Variants in GFI1 observed in about 807,000 individuals in gnomAD.
The protein encoded by GFI1 is zinc finger protein Gfi-1.
Under a neutral mutation model 39.2 loss-of-function variants are expected in GFI1, and 15 were observed. That is an observed-to-expected ratio of 0.38 (90% CI 0.26 to 0.59). The LOEUF is 0.59. Among genes scored for constraint, GFI1 ranks in the 20% least tolerant of loss-of-function variants. The pLI is 0.62. For missense variants in GFI1, 475 were observed against 574.0 expected, an observed-to-expected ratio of 0.83 and a Z score of 1.76; for synonymous variants, 239 against 254.3, an observed-to-expected ratio of 0.94 and a Z score of 0.57.
rs1439749069 is a variant in GFI1 at position 92,480,600 on chromosome 1, C to T, written c.786+1G>A. Reference sequence around the variant, plus strand: ...CGAGGTGGTGAGCTCGGGAGCCTCACCTTGCTGCACTTGATGCACTTGTAG... The same window carrying T: ...CGAGGTGGTGAGCTCGGGAGCCTCATCTTGCTGCACTTGATGCACTTGTAG... On this transcript the variant is annotated splice_donor_variant, in intron 4 of 6. Transcript: ENST00000294702. LOFTEE classifies it high-confidence loss of function. The surrounding 1 kb of genome is among the most constrained non-coding windows in gnomAD (Gnocchi z 5.6). 1 of 1,551,590 alleles carries T rather than the reference C, an allele frequency of 6.4e-7. No individual in the cohort carries two copies.
At position 92,475,138 on chromosome 1, in the gene GFI1, G is replaced by A. The variant is rs1202817190; in HGVS notation, c.*891C>T. The A allele has an allele frequency of 1.3e-5, 2 of 152,206 alleles. No homozygotes were observed. Among genetic ancestry groups the A allele is most frequent in the African/African-American group, 4.8e-5 (2 of 41,438 alleles). The allele number at this position is 152,206 out of a possible 1,614,324, so 9.4% of individuals were successfully genotyped here. On this transcript the variant is annotated 3_prime_UTR_variant, in exon 7 of 7. Transcript: ENST00000294702. ...GAGTAAGAACAGACCCAGCCACTTGGAGGTGCAACCGTTAGCTTTTGAGGA... is the reference window on the plus strand; with the variant it reads ...GAGTAAGAACAGACCCAGCCACTTGAAGGTGCAACCGTTAGCTTTTGAGGA...
intron 6 of GFI1, 80 bp from the exon 7 acceptor site, chr1:92,476,287 T>G: frequency 7.4e-7 from 1 of 1,352,518 alleles, no homozygotes; most frequent in Non-Finnish European, 1.0e-6. Context: ...CCACATGCTC[T>G]TGGCAGCAGC....
In GFI1 at chr1:92,478,881, T is replaced by A. The variant is rs1489609134; in HGVS notation, c.925-128A>T. 7.1e-6 allele frequency: 9 copies of A among 1,275,638 alleles called. No individual in the cohort carries two copies. The African/African-American group carries it at 1.3e-4, about 19-fold the overall frequency. 79.0% of individuals were successfully genotyped at this position (1,275,638 alleles called of 1,614,324 possible). A position where few individuals can be genotyped will look rare whatever the true frequency, so the allele number is the denominator to read the frequency against. ...AATCCCTTGAACACTTTTTCTTTCT[T>A]TTTTTGAGACAGTCTCCTCTGTCGC... is the stretch of plus-strand genomic sequence containing the variant. On this transcript the variant is annotated intron_variant, in intron 5 of 6. Coordinates refer to ENST00000294702, the MANE Select transcript of GFI1 (RefSeq NM_005263.5).
At position 92,481,880 on chromosome 1, in the gene GFI1, G is replaced by T. The variant is rs1439291309; in HGVS notation, c.299-792C>A. On this transcript the variant is annotated intron_variant, in intron 3 of 6. Transcript: ENST00000294702. The surrounding 1 kb of genome is among the most constrained non-coding windows in gnomAD (Gnocchi z 4.3). ...CGGCCTGCTACGCCCCCACCCACGT[G>T]AATTTTGCTAAAACTAGTGACCCCA... Among the ~76,000 whole-genome samples the T allele has an allele frequency of 6.7e-6, 1 of 150,204 alleles. No individual in the cohort carries two copies. The highest frequency in any genetic ancestry group is 1.5e-5 in the Non-Finnish European group (1 of 67,350).
rs1249865976 is a variant in GFI1 at position 92,480,685 on chromosome 1, G to A, written c.702C>T (p.Gly234=). The stretch of plus-strand genomic sequence containing the variant: ...GCTCCGACTCCACCTTGACGCCAGC[G>A]CCCTTGTCTGCGTGCAGCCCGTGGC... ...ERGHGLHADK[G]AGVKVESELL... The change falls in exon 4 of 7, where the codon GGC becomes GGT. Residue 234 remains glycine (G), a synonymous_variant. Transcript: ENST00000294702. This position sits in a 1 kb window ranked among gnomAD's most constrained non-coding sequence, Gnocchi z 5.6. 1 of 1,596,078 alleles carries A rather than the reference G, an allele frequency of 6.3e-7. No individual in the cohort carries two copies. Among genetic ancestry groups the A allele is most frequent in the Non-Finnish European group, 8.5e-7 (1 of 1,177,886 alleles).
In GFI1 at chr1:92,481,159, C is replaced by A. The variant is rs1490503220; in HGVS notation, c.299-71G>T. 1 of 1,348,670 alleles carries A rather than the reference C, an allele frequency of 7.4e-7. No individual in the cohort carries two copies. Among genetic ancestry groups the A allele is most frequent in the Non-Finnish European group, 1.0e-6 (1 of 960,216 alleles). The allele number at this position is 1,348,670 out of a possible 1,614,324, so 83.5% of individuals were successfully genotyped here. On this transcript the variant is annotated intron_variant, in intron 3 of 6. Transcript: ENST00000294702. This position sits in a 1 kb window ranked among gnomAD's most constrained non-coding sequence, Gnocchi z 4.3. The stretch of plus-strand genomic sequence containing the variant: ...AGCGGAGGCCGCCGGGCTGCGGCTG[C>A]GAGCGTGGCGTGTTCGCGGACTGCG...
At position 92,481,495 on chromosome 1, in the gene GFI1, C is replaced by CA. The variant is rs1658252915; in HGVS notation, c.299-408dup. Among the ~76,000 whole-genome samples, 1 of 152,222 alleles carries CA rather than the reference C, an allele frequency of 6.6e-6. No individual in the cohort carries two copies. Among genetic ancestry groups the CA allele is most frequent in the Non-Finnish European group, 1.5e-5 (1 of 68,030 alleles). ...CGGCCGTTCGGCCCCTCACAGCACTCAAGGGCGGAAGGGTCCAGCCACCAG... is the reference window on the plus strand; with the variant it reads ...CGGCCGTTCGGCCCCTCACAGCACTCAAAGGGCGGAAGGGTCCAGCCACCAG... On this transcript the variant is annotated intron_variant, in intron 3 of 6. Transcript: ENST00000294702. This position sits in a 1 kb window ranked among gnomAD's most constrained non-coding sequence, Gnocchi z 4.3.
intron 6 of GFI1, 56 bp downstream of exon 6, chr1:92,478,532 A>T: frequency 6.9e-7 from 1 of 1,439,606 alleles, no homozygotes; most frequent in Non-Finnish European, 9.8e-7. Flanking sequence ...ATCAGAGAAG[A>T]TGAGTAATGT....
intron 2 of GFI1, 141 bp from the exon 3 acceptor site, chr1:92,483,187 C>T (rs1396571464): frequency 2.3e-6 from 2 of 852,868 alleles, no homozygotes; most frequent in Non-Finnish European, 3.6e-6. Context: ...CCTCTCGGAT[C>T]CGAGGGCAGG....
chr1:92,480,341 C>G lies in GFI1; in HGVS notation c.924+7G>C. ...GGGCCGCGCGCGGCGGTGCGCCCCG[C>G]GCTTACCTGCGAGTGCACGGCTTTG... On this transcript the variant is annotated splice_region_variant and intron_variant, in intron 5 of 6. Transcript: ENST00000294702. The surrounding 1 kb of genome is among the most constrained non-coding windows in gnomAD (Gnocchi z 5.6). 6.5e-7 allele frequency: 1 copy of G among 1,548,106 alleles called. No homozygotes were observed.
In GFI1 at chr1:92,475,848, T is replaced by C. The variant is rs1478563264; in HGVS notation, c.*181A>G. The C allele has an allele frequency of 1.6e-6, 1 of 632,720 alleles. No homozygotes were observed. The highest frequency in any genetic ancestry group is 1.8e-5 in the African/African-American group (1 of 55,200). The allele number at this position is 632,720 out of a possible 1,614,324, so 39.2% of individuals were successfully genotyped here. ...GGCTGCACTTTGAAAAGGTACCTCA[T>C]TTCTTCTGGCAGCTCCAGGAGGTAA... On this transcript the variant is annotated 3_prime_UTR_variant, in exon 7 of 7. Coordinates refer to ENST00000294702, the MANE Select transcript of GFI1 (RefSeq NM_005263.5).
rs370466093 is a variant in GFI1 at position 92,481,532 on chromosome 1, T to C, written c.299-444A>G. Among the ~76,000 whole-genome samples, 122 of 152,280 alleles carry C rather than the reference T, an allele frequency of 8.0e-4. 1 individual carries two copies. The highest frequency in any genetic ancestry group is 4.1e-3 in the South Asian group (20 of 4,828). On this transcript the variant is annotated intron_variant, in intron 3 of 6. Transcript: ENST00000294702. The surrounding 1 kb of genome is among the most constrained non-coding windows in gnomAD (Gnocchi z 4.3). ...GGTCCAGCCACCAGCGCAGGCACTCTCCCAGCCCCTACATGTTCCCATTCA... is the reference window on the plus strand; with the variant it reads ...GGTCCAGCCACCAGCGCAGGCACTCCCCCAGCCCCTACATGTTCCCATTCA...
chr1:92,483,189 G>T, intron 2 of GFI1, 143 bp from the exon 3 acceptor site: 2 of 835,356 alleles, frequency 2.4e-6, no homozygotes, highest in Non-Finnish European at 3.7e-6. Flanking sequence ...TCTCGGATCC[G>T]AGGGCAGGCG....
In GFI1 at chr1:92,473,177, C is replaced by CAA. The variant is rs55814509; in HGVS notation, c.*2850_*2851dup. Among the ~76,000 whole-genome samples, 2,495 of 108,928 alleles carry CAA rather than the reference C, an allele frequency of 0.023. 82 individuals are homozygous for CAA. Among genetic ancestry groups the CAA allele is most frequent in the African/African-American group, 0.075 (2,299 of 30,602 alleles). 71.5% of individuals were successfully genotyped at this position (108,928 alleles called of 152,430 possible). On this transcript the variant is annotated 3_prime_UTR_variant, in exon 7 of 7. Coordinates refer to ENST00000294702, the MANE Select transcript of GFI1 (RefSeq NM_005263.5). ...GGGGATATCAAGATACATTTTTTACCAAAAAAAAAAAAAAAAGGCATACAG... is the reference window on the plus strand; with the variant it reads ...GGGGATATCAAGATACATTTTTTACCAAAAAAAAAAAAAAAAAAGGCATACAG...
At position 92,482,727 on chromosome 1, in the gene GFI1, T is replaced by G; in HGVS notation, c.298+137A>C. On this transcript the variant is annotated intron_variant, in intron 3 of 6. Transcript: ENST00000294702. The surrounding 1 kb of genome is among the most constrained non-coding windows in gnomAD (Gnocchi z 4.4). ...AGAGAAGCCGGATGCCTCCTTCCCC[T>G]ACGAATCAGCTCCCTTCTCCCGGAA... is the stretch of plus-strand genomic sequence containing the variant. 1.3e-6 allele frequency: 1 copy of G among 741,140 alleles called. No individual in the cohort carries two copies. The allele number at this position is 741,140 out of a possible 1,614,324, so 45.9% of individuals were successfully genotyped here.
chr1:92,480,895 C>A lies in GFI1; in HGVS notation c.492G>T (p.Pro164=). The change falls in exon 4 of 7, where the codon CCG becomes CCT. Residue 164 remains proline, a synonymous_variant. Transcript: ENST00000294702. This position sits in a 1 kb window ranked among gnomAD's most constrained non-coding sequence, Gnocchi z 5.6. ...CCCGCTTCGGGCCGTACAGCGCGGC[C>A]GGGTGGCCAGGCTCCGGGGCGGGTT... The part of the protein sequence containing the change: ...FCEPAPEPGH[P]AALYGPKRAA... The A allele has an allele frequency of 1.3e-6, 2 of 1,542,616 alleles. No homozygotes were observed. The highest frequency in any genetic ancestry group is 1.7e-6 in the Non-Finnish European group (2 of 1,143,266).
intron 1 of GFI1, chr1:92,485,968 C>G (rs1658508938): frequency 6.6e-6 from 1 of 152,336 alleles, no homozygotes; most frequent in Non-Finnish European, 1.5e-5. Context: ...TCCCCGCGGC[C>G]GCCCCCACCA....
chr1:92,476,449 G>T (rs1411321043), intron 6 of GFI1, among the ~76,000 whole-genome samples: 1 of 152,154 alleles, frequency 6.6e-6, no homozygotes, highest in East Asian at 1.9e-4. Context: ...CCAGCCAAAG[G>T]CCTCAAACGG....
Position 92,482,800 on chromosome 1 carries a change from AT to A in GFI1, c.298+63del. On this transcript the variant is annotated intron_variant, in intron 3 of 6. Coordinates refer to ENST00000294702, the MANE Select transcript of GFI1 (RefSeq NM_005263.5). The surrounding 1 kb of genome is among the most constrained non-coding windows in gnomAD (Gnocchi z 4.4). ...CATTTCTACGCCCAAGGTCGCGCCA[AT>A]TCCCCCCCAGCACTGCCGGGTCCCT... The A allele has an allele frequency of 7.5e-7, 1 of 1,332,302 alleles. No homozygotes were observed. The highest frequency in any genetic ancestry group is 2.3e-5 in the East Asian group (1 of 43,540). The allele number at this position is 1,332,302 out of a possible 1,614,324, so 82.5% of individuals were successfully genotyped here. A position where few individuals can be genotyped will look rare whatever the true frequency, so the allele number is the denominator to read the frequency against.
Sources: allele counts gnomAD v4.1 joint callset (sites outside exome capture counted in the v4.1 genomes callset), GRCh38; gene constraint gnomAD v4.1.1; non-coding constraint Gnocchi (gnomAD v3.1); transcripts MANE v1.5; gene names NCBI Gene and HGNC (gene_info 2026-07-23, HGNC 2026-07-21).